Variants in PNLIPRP3 observed in about 807,000 individuals in gnomAD.
The protein encoded by PNLIPRP3 is pancreatic lipase-related protein 3.
PNLIPRP3 carries 58 observed loss-of-function variants against 52.8 expected under a neutral mutation model. That is an observed-to-expected ratio of 1.10 (90% CI 0.89 to 1.37). PNLIPRP3 has a LOEUF of 1.37. Among genes scored for constraint, PNLIPRP3 ranks in the 40% most tolerant of loss-of-function variants. The probability of loss-of-function intolerance (pLI) is 0.00; values close to 1 mark genes in which losing one functional copy is unlikely to be tolerated. For missense variants in PNLIPRP3, 593 were observed against 561.6 expected (o/e 1.06, Z -0.57); for synonymous variants, 192 against 185.0 (o/e 1.04, Z -0.31).
At chr10:116,471,662 A>T in intron 9 of PNLIPRP3, 106 bp from the exon 10 acceptor site, 1 of 905,674 alleles carries the variant, frequency 1.1e-6, no homozygotes, top group East Asian at 2.4e-5. Flanking sequence ...GCACTGTTCA[A>T]ATACAACCCT....
At position 116,461,028 on chromosome 10, in the gene PNLIPRP3, G is replaced by A; in HGVS notation, c.628G>A (p.Asp210Asn). 6.2e-7 allele frequency: 1 copy of A among 1,613,840 alleles called. No individual in the cohort carries two copies. Among genetic ancestry groups the A allele is most frequent in the Non-Finnish European group, 8.5e-7 (1 of 1,180,028 alleles). Reference protein sequence around the residue: ...TPKEVRLDPSDANFVDVIHTN... With the variant: ...TPKEVRLDPSNANFVDVIHTN... ...AAAGGAAGTCAGGCTAGACCCCTCG[G>A]ATGCCAACTTTGTTGACGTTATTCA... is the stretch of plus-strand genomic sequence containing the variant. The change falls in exon 6 of 12, where the codon GAT becomes AAT. Residue 210 changes from aspartate to asparagine, a missense_variant. By Grantham distance (23) the Asp-to-Asn change is conservative. Transcript: ENST00000369230.
At position 116,476,746 on chromosome 10, in the gene PNLIPRP3, C is replaced by T. The variant is rs2133164701; in HGVS notation, c.1267C>T (p.His423Tyr). The T allele has an allele frequency of 3.1e-6, 5 of 1,610,202 alleles. No homozygotes were observed. In the East Asian group the frequency reaches 9.0e-5, roughly 29 times the overall value. Residue 423 changes from histidine (H) to tyrosine (Y), a missense_variant, in exon 11 of 12, where the codon CAT becomes TAT. Transcript: ENST00000369230. The part of the protein sequence containing the change: ...ITSVQFIWKK[H>Y]LFEDSQNKLG... ...AAGTGTTCAGTTCATCTGGAAAAAA[C>T]ATTTGTTTGAAGATTCTCAGAATAA... is the stretch of plus-strand genomic sequence containing the variant.
chr10:116,473,136 G>T (rs1846401145), intron 10 of PNLIPRP3, among the ~76,000 whole-genome samples: 2 of 152,234 alleles, frequency 1.3e-5, no homozygotes, highest in African/African-American at 4.8e-5. Context: ...AACGGCCGAA[G>T]AAGCTGTTTG....
chr10:116,474,491 C>T (rs899479656), intron 10 of PNLIPRP3, among the ~76,000 whole-genome samples: 1 of 152,188 alleles, frequency 6.6e-6, no homozygotes, highest in African/African-American at 2.4e-5. Flanking sequence ...GCAAAACAAA[C>T]TATCAACAGA....
intron 8 of PNLIPRP3, among the ~76,000 whole-genome samples, chr10:116,467,500 C>T (rs1846299268): frequency 6.6e-6 from 1 of 152,172 alleles, no homozygotes; most frequent in African/African-American, 2.4e-5. Context: ...ATAGCAAATA[C>T]TCAAGCACTG....
At chr10:116,430,109 G>A (rs1172008772) in intron 1 of PNLIPRP3, among the ~76,000 whole-genome samples, 1 of 152,174 alleles carries the variant, frequency 6.6e-6, no homozygotes, top group Non-Finnish European at 1.5e-5. Context: ...TAGGATGAAG[G>A]TTTGCCTTTG....
intron 7 of PNLIPRP3, among the ~76,000 whole-genome samples, chr10:116,464,561 T>C (rs1279776081): frequency 6.6e-6 from 1 of 152,168 alleles, no homozygotes; most frequent in Non-Finnish European, 1.5e-5. Context: ...TTCAGGCCAG[T>C]ACAGGCACTG....
At chr10:116,472,518 A>G (rs1253240201) in intron 10 of PNLIPRP3, among the ~76,000 whole-genome samples, 1 of 152,216 alleles carries the variant, frequency 6.6e-6, no homozygotes, top group East Asian at 1.9e-4. Flanking sequence ...CTGCAAACAG[A>G]TGAATGTATT....
At position 116,477,170 on chromosome 10, in the gene PNLIPRP3, G is replaced by T; in HGVS notation, c.*17G>T. 2 of 1,564,690 alleles carry T rather than the reference G, an allele frequency of 1.3e-6. No individual in the cohort carries two copies. The highest frequency in any genetic ancestry group is 2.3e-5 in the East Asian group (1 of 44,376). ...CCATGCTAATCTCAGATACAGTCTT[G>T]ATGGATTTCTTTAGTAGGAGCAATG... On this transcript the variant is annotated 3_prime_UTR_variant, in exon 12 of 12. Coordinates refer to ENST00000369230, the MANE Select transcript of PNLIPRP3 (RefSeq NM_001011709.3).
chr10:116,466,009 T>G (rs376213771), intron 7 of PNLIPRP3, 41 bp from the exon 8 acceptor site: 2 of 1,362,038 alleles, frequency 1.5e-6, no homozygotes, highest in African/African-American at 2.9e-5. Flanking sequence ...CTACCAGTTA[T>G]CAGTTAATTG....
intron 8 of PNLIPRP3, among the ~76,000 whole-genome samples, 184 bp downstream of exon 8, chr10:116,466,352 T>C (rs1419909820): frequency 2.6e-5 from 4 of 152,214 alleles, no homozygotes; most frequent in Admixed American, 6.5e-5. Flanking sequence ...TTGAAATAAC[T>C]CAACCAACTA....
intron 2 of PNLIPRP3, among the ~76,000 whole-genome samples, chr10:116,438,393 A>G (rs1845807923): frequency 6.6e-6 from 1 of 152,202 alleles, no homozygotes; most frequent in African/African-American, 2.4e-5. Context: ...CATCAGGCCC[A>G]TCACATACTG....
chr10:116,441,634 C>CT (rs1432068484), intron 2 of PNLIPRP3, among the ~76,000 whole-genome samples: 2 of 152,110 alleles, frequency 1.3e-5, no homozygotes, highest in African/African-American at 4.8e-5. Flanking sequence ...AATCCCACAT[C>CT]TGGTTTGGGC....
In PNLIPRP3 at chr10:116,438,759, G is replaced by A. The variant is rs574907009; in HGVS notation, c.204+1894G>A. Among the ~76,000 whole-genome samples, 11 of 152,260 alleles carry A rather than the reference G, an allele frequency of 7.2e-5. No individual in the cohort carries two copies. In the East Asian group the frequency reaches 1.9e-3, roughly 27 times the overall value. ...CACAGGCCTGACCCATATGTTATAT[G>A]AGTTTGACCAATTCTGTAGATGTGG... On this transcript the variant is annotated intron_variant, in intron 2 of 11. Coordinates refer to ENST00000369230, the MANE Select transcript of PNLIPRP3 (RefSeq NM_001011709.3).
At position 116,476,799 on chromosome 10, in the gene PNLIPRP3, A is replaced by T; in HGVS notation, c.1320A>T (p.Thr440=). 1.2e-6 allele frequency: 2 copies of T among 1,600,760 alleles called. No individual in the cohort carries two copies. The highest frequency in any genetic ancestry group is 2.3e-5 in the South Asian group (2 of 87,876). Residue 440 remains threonine, a synonymous_variant, in exon 11 of 12, where the codon ACA becomes ACT. Transcript: ENST00000369230. The part of the protein sequence containing the change: ...NKLGAEMVIN[T]SGKYGYKSTF... Reference sequence around the variant, plus strand: ...TGGGAGCAGAAATGGTGATAAATACATCTGGGAAATATGGATATAAGTAAG... The same window carrying T: ...TGGGAGCAGAAATGGTGATAAATACTTCTGGGAAATATGGATATAAGTAAG...
chr10:116,461,889 G>A (rs1846198074), intron 7 of PNLIPRP3, among the ~76,000 whole-genome samples: 1 of 152,168 alleles, frequency 6.6e-6, no homozygotes, highest in South Asian at 2.1e-4. Flanking sequence ...TGTAAGGGCT[G>A]AAAACAGGAG....
chr10:116,433,095 C>T (rs970683825), intron 1 of PNLIPRP3, among the ~76,000 whole-genome samples: 1 of 26,652 alleles, frequency 3.8e-5, no homozygotes, highest in Non-Finnish European at 6.9e-5. Context: ...GCTTGAGCAA[C>T]AAGAGTAAAA....
chr10:116,436,996 G>T, intron 2 of PNLIPRP3, 131 bp downstream of exon 2: 1 of 933,330 alleles, frequency 1.1e-6, no homozygotes, highest in South Asian at 2.8e-5. Context: ...TTTCTTTTCA[G>T]TATTATGAGT....
chr10:116,453,266 C>G (rs1846064482), intron 4 of PNLIPRP3, among the ~76,000 whole-genome samples: 1 of 152,180 alleles, frequency 6.6e-6, no homozygotes, highest in Admixed American at 6.5e-5. Context: ...TACCCAATTC[C>G]TGTACCTCCC....
Sources: allele counts gnomAD v4.1 joint callset (sites outside exome capture counted in the v4.1 genomes callset), GRCh38; gene constraint gnomAD v4.1.1; transcripts MANE v1.5; gene names NCBI Gene and HGNC (gene_info 2026-07-23, HGNC 2026-07-21).